Variants in HSD17B12 observed in about 807,000 individuals in gnomAD.
The protein encoded by HSD17B12 is very-long-chain 3-oxoacyl-CoA reductase.
In HSD17B12, 32 loss-of-function variants were observed where a neutral mutation model predicts 39.3. The ratio of observed to expected loss-of-function variants is 0.81; its 90% CI spans 0.61 to 1.09. HSD17B12 has a LOEUF of 1.09. Ranked by LOEUF, HSD17B12 falls within the 50% of genes least tolerant of loss-of-function variation. The pLI is 0.00. For synonymous variants in HSD17B12, 150 were observed against 146.7 expected (o/e 1.02, Z -0.16); for missense variants, 342 against 382.9 (o/e 0.89, Z 0.89).
the HSD17B12 span, among the ~76,000 whole-genome samples, chr11:43,627,308 A>C: frequency 6.6e-6 from 1 of 151,976 alleles, no homozygotes. Context: ...CTGATTTAAA[A>C]TAAAAGTAGG....
chr11:43,761,883 A>G (rs1270790944), intron 3 of HSD17B12, among the ~76,000 whole-genome samples: 6 of 152,236 alleles, frequency 3.9e-5, no homozygotes, highest in Admixed American at 3.9e-4. Context: ...TCTGTTGGTC[A>G]AAGCAGTCAT....
At chr11:43,825,723 T>G (rs1951228359) in intron 6 of HSD17B12, among the ~76,000 whole-genome samples, 1 of 152,234 alleles carries the variant, frequency 6.6e-6, no homozygotes, top group Non-Finnish European at 1.5e-5. Flanking sequence ...CATTTAGTCC[T>G]TAGAGTGTCA....
chr11:43,572,248 G>A, the HSD17B12 span, among the ~76,000 whole-genome samples: 5 of 152,306 alleles, frequency 3.3e-5, no homozygotes, highest in South Asian at 8.3e-4. Context: ...TTTGGATGAG[G>A]CTAAACCAGC....
chr11:43,744,621 G>A (rs890497341), intron 1 of HSD17B12, among the ~76,000 whole-genome samples: 1 of 152,108 alleles, frequency 6.6e-6, no homozygotes, highest in Non-Finnish European at 1.5e-5. Flanking sequence ...GGTATATCCT[G>A]GATATCCTGG....
At chr11:43,677,452 TA>T (rs1418710045), upstream of HSD17B12, among the ~76,000 whole-genome samples, 1 of 152,184 alleles carries the variant, frequency 6.6e-6, no homozygotes, top group East Asian at 1.9e-4. Context: ...ACAATTTTTT[TA>T]AATTATACTT....
chr11:43,610,448 G>A, the HSD17B12 span, among the ~76,000 whole-genome samples: 1 of 152,154 alleles, frequency 6.6e-6, no homozygotes, highest in Non-Finnish European at 1.5e-5. Context: ...AGGAGTCTTG[G>A]TTTAAGACCA....
At chr11:43,728,070 T>C (rs1270226589) in intron 1 of HSD17B12, among the ~76,000 whole-genome samples, 31 of 152,016 alleles carry the variant, frequency 2.0e-4, no homozygotes, top group Admixed American at 2.0e-3. Flanking sequence ...TTGTTTTTTG[T>C]TTTTTTGTTT....
the HSD17B12 span, among the ~76,000 whole-genome samples, chr11:43,653,544 C>A: frequency 6.6e-6 from 1 of 152,020 alleles, no homozygotes; most frequent in Admixed American, 6.6e-5. Flanking sequence ...AATGCTATCC[C>A]TTCCCCCTCC....
the HSD17B12 span, among the ~76,000 whole-genome samples, chr11:43,601,323 G>A: frequency 2.4e-3 from 361 of 152,126 alleles, 2 homozygotes; most frequent in East Asian, 0.012. Context: ...GCGTTTGTGT[G>A]TGTGTGTGTG....
chr11:43,608,183 G>C, the HSD17B12 span, among the ~76,000 whole-genome samples: 17 of 152,160 alleles, frequency 1.1e-4, no homozygotes, highest in South Asian at 3.3e-3. Context: ...TGGGCAACAG[G>C]GTGAAACCCC....
chr11:43,663,840 A>ATTTTTATT, the HSD17B12 span, among the ~76,000 whole-genome samples: 1 of 151,610 alleles, frequency 6.6e-6, no homozygotes, highest in Non-Finnish European at 1.5e-5. Context: ...AAGGGTTTTT[A>ATTTTTATT]TTTTTATTTT....
At chr11:43,617,210 G>A in the HSD17B12 span, among the ~76,000 whole-genome samples, 1 of 152,172 alleles carries the variant, frequency 6.6e-6, no homozygotes, top group Admixed American at 6.6e-5. Flanking sequence ...AAGTTGATGA[G>A]TGACTCAGGG....
chr11:43,775,459 A>T (rs966010340), intron 3 of HSD17B12, among the ~76,000 whole-genome samples: 2 of 150,976 alleles, frequency 1.3e-5, no homozygotes, highest in Admixed American at 6.6e-5. Context: ...GATCCAGAGA[A>T]CTCTTTGAAC....
At chr11:43,586,783 A>T in the HSD17B12 span, among the ~76,000 whole-genome samples, 1 of 152,244 alleles carries the variant, frequency 6.6e-6, no homozygotes, top group African/African-American at 2.4e-5. Flanking sequence ...GGCCATATTA[A>T]TCATGTCTTC....
At chr11:43,622,164 A>G in the HSD17B12 span, among the ~76,000 whole-genome samples, 1 of 152,244 alleles carries the variant, frequency 6.6e-6, no homozygotes, top group African/African-American at 2.4e-5. Flanking sequence ...CTGTCATTCA[A>G]GAGGGTAATA....
the HSD17B12 span, among the ~76,000 whole-genome samples, chr11:43,573,873 A>C: frequency 6.6e-6 from 1 of 152,170 alleles, no homozygotes; most frequent in East Asian, 1.9e-4. Flanking sequence ...TAATCCAAGG[A>C]GACTTTATTG....
chr11:43,572,158 T>G, the HSD17B12 span, among the ~76,000 whole-genome samples: 1 of 152,170 alleles, frequency 6.6e-6, no homozygotes. Flanking sequence ...GAAGCATGCT[T>G]GGATGCAGCA....
At chr11:43,818,768 A>T (rs1951153865) in intron 6 of HSD17B12, among the ~76,000 whole-genome samples, 1 of 152,190 alleles carries the variant, frequency 6.6e-6, no homozygotes, top group South Asian at 2.1e-4. Flanking sequence ...AACATGGCTA[A>T]TAGGAATATA....
chr11:43,794,935 CAGA>C (rs1428216543), intron 3 of HSD17B12, among the ~76,000 whole-genome samples: 2 of 152,124 alleles, frequency 1.3e-5, no homozygotes, highest in Non-Finnish European at 1.5e-5. Context: ...ATCAGAGTCC[CAGA>C]AGAAGTACTA....
Sources: allele counts gnomAD v4.1 joint callset (sites outside exome capture counted in the v4.1 genomes callset), GRCh38; gene constraint gnomAD v4.1.1; transcripts MANE v1.5; gene names NCBI Gene and HGNC (gene_info 2026-07-23, HGNC 2026-07-21).